The following CCNH variants were observed in gnomAD, a reference collection of about 807,000 sequenced individuals.
CCNH encodes cyclin-H.
Under a neutral mutation model 41.9 loss-of-function variants are expected in CCNH, and 31 were observed. That is an observed-to-expected ratio of 0.74 (90% CI 0.56 to 1.00). The LOEUF is 1.00. CCNH is among the 50% of genes least tolerant of loss of function. The probability of loss-of-function intolerance (pLI) is 0.00; values close to 1 mark genes in which losing one functional copy is unlikely to be tolerated. For missense variants in CCNH, 362 were observed against 388.4 expected (o/e 0.93, Z 0.57); for synonymous variants, 138 against 136.1 (o/e 1.01, Z -0.10).
At chr5:87,385,242 G>C (rs1374162884) in intron 9 of CCNH, 1 of 1,054,708 alleles carries the variant, frequency 9.5e-7, no homozygotes, top group African/African-American at 1.6e-5. Context: ...AATTTATAAT[G>C]GTTTAGCTGG....
the CCNH span, among the ~76,000 whole-genome samples, chr5:87,312,757 TTTC>T: frequency 6.6e-6 from 1 of 152,226 alleles, no homozygotes; most frequent in Non-Finnish European, 1.5e-5. Context: ...AGCTTCATTC[TTTC>T]TTCTTATACA....
chr5:87,406,439 C>T (rs1763796224), intron 4 of CCNH, among the ~76,000 whole-genome samples: 1 of 152,168 alleles, frequency 6.6e-6, no homozygotes, highest in South Asian at 2.1e-4. Flanking sequence ...TCTCTATATG[C>T]AATCAATCCT....
chr5:87,369,668 A>T, intron 9 of CCNH: 1 of 583,848 alleles, frequency 1.7e-6, no homozygotes, highest in Admixed American at 3.1e-5. Context: ...ACTTTTTTTT[A>T]GTAATGATCT....
chr5:87,321,706 C>G (rs1287902699), intron 9 of CCNH, among the ~76,000 whole-genome samples: 3 of 152,256 alleles, frequency 2.0e-5, no homozygotes, highest in Non-Finnish European at 4.4e-5. Context: ...GCCACTCTCC[C>G]AGCAAGTGGA....
intron 9 of CCNH, among the ~76,000 whole-genome samples, chr5:87,350,902 A>AT (rs1052035593): frequency 1.3e-5 from 2 of 151,680 alleles, no homozygotes; most frequent in Admixed American, 1.3e-4. Flanking sequence ...AAAATGAAGG[A>AT]TTTTGTAATT....
At chr5:87,409,629 C>T (rs1166310398) in intron 2 of CCNH, among the ~76,000 whole-genome samples, 3 of 146,084 alleles carry the variant, frequency 2.1e-5, no homozygotes, top group African/African-American at 7.6e-5. Context: ...TTTAAAAATA[C>T]GTGTGTGTGT....
chr5:87,411,115 A>C (rs1764200668), intron 2 of CCNH, 109 bp downstream of exon 2: 11 of 1,150,320 alleles, frequency 9.6e-6, no homozygotes, highest in Non-Finnish European at 1.2e-5. Flanking sequence ...AAACTAATTA[A>C]TTGTAACTAA....
intron 1 of CCNH, among the ~76,000 whole-genome samples, chr5:87,411,661 G>C (rs1022871942): frequency 6.6e-5 from 10 of 151,744 alleles, no homozygotes; most frequent in African/African-American, 2.4e-4. Context: ...AAATTAAAAA[G>C]TAGACAGACT....
Position 87,411,338 on chromosome 5 carries a change from C to A in CCNH, c.126G>T (p.Pro42=), listed in dbSNP as rs199623645. ...GAGGCTCAAGAAAGACTGGATCATT[C>A]GGAAGAACCTTTAGATCAACAATTA... ...CKAVANGKVL[P]NDPVFLEPHE... The change falls in exon 2 of 9, where the codon CCG becomes CCT. Residue 42 remains proline, a synonymous_variant. Transcript: ENST00000256897. The A allele has an allele frequency of 1.0e-4, 164 of 1,605,410 alleles. No homozygotes were observed. In the Admixed American group the frequency reaches 1.5e-3, roughly 15 times the overall value.
At chr5:87,346,132 T>C (rs1209664440) in intron 9 of CCNH, among the ~76,000 whole-genome samples, 1 of 152,100 alleles carries the variant, frequency 6.6e-6, no homozygotes, top group Non-Finnish European at 1.5e-5. Flanking sequence ...TTAGCTCAAA[T>C]AGAGTTGAGA....
chr5:87,376,122 A>G (rs1452582168), downstream of CCNH: 1 of 482,724 alleles, frequency 2.1e-6, no homozygotes. Context: ...CTGAAACATA[A>G]TTGATTTCTT....
downstream of CCNH, chr5:87,394,148 C>CT: frequency 1.4e-6 from 1 of 703,196 alleles, no homozygotes; most frequent in Non-Finnish European, 1.8e-6. Flanking sequence ...TTTGTGGTGC[C>CT]TTTTTTAAAA....
chr5:87,408,165 G>T lies in CCNH; in HGVS notation c.336C>A (p.Ala112=). ...ATACATTGAATTCATCTACTTTGCA[G>T]GCCAAAAATGCACAAGTGAGCCTAG... The part of the protein sequence containing the change: ...RIIMLTCAFL[A]CKVDEFNVSS... The change falls in exon 4 of 9, where the codon GCC becomes GCA. Residue 112 remains alanine, a synonymous_variant. Transcript: ENST00000256897. The T allele has an allele frequency of 6.2e-7, 1 of 1,600,626 alleles. No individual in the cohort carries two copies. The highest frequency in any genetic ancestry group is 8.5e-7 in the Non-Finnish European group (1 of 1,172,166).
chr5:87,361,628 CTGATA>C (rs1760097161), intron 9 of CCNH, among the ~76,000 whole-genome samples: 1 of 152,050 alleles, frequency 6.6e-6, no homozygotes, highest in South Asian at 2.1e-4. Context: ...TAAAGGCATC[CTGATA>C]TAATTCTTTT....
At chr5:87,327,323 A>G (rs1245337387) in intron 9 of CCNH, among the ~76,000 whole-genome samples, 1 of 152,204 alleles carries the variant, frequency 6.6e-6, no homozygotes, top group South Asian at 2.1e-4. Flanking sequence ...CCGTTCTACT[A>G]TAAAGCCTAT....
In CCNH at chr5:87,412,677, C is replaced by A. The variant is rs1346798277; in HGVS notation, c.117+1G>T. The A allele has an allele frequency of 6.2e-7, 1 of 1,613,952 alleles. No homozygotes were observed. Among genetic ancestry groups the A allele is most frequent in the Non-Finnish European group, 8.5e-7 (1 of 1,179,882 alleles). On this transcript the variant is annotated splice_donor_variant, in intron 1 of 8. Coordinates refer to ENST00000256897, the MANE Select transcript of CCNH (RefSeq NM_001239.4). LOFTEE classifies it high-confidence loss of function. The stretch of plus-strand genomic sequence containing the variant: ...CTGGGCAACCGTTGGGAAAACCTCA[C>A]CTTCCCGTTGGCCACGGCTTTGCAT...
At chr5:87,317,928 G>A (rs995548809), downstream of CCNH, among the ~76,000 whole-genome samples, 7 of 151,914 alleles carry the variant, frequency 4.6e-5, no homozygotes, top group East Asian at 1.9e-4. Flanking sequence ...GAGCCACCGC[G>A]CCCAGCCGTT....
intron 9 of CCNH, among the ~76,000 whole-genome samples, chr5:87,334,722 AGT>A (rs1757841517): frequency 6.6e-6 from 1 of 152,176 alleles, no homozygotes; most frequent in African/African-American, 2.4e-5. Context: ...TTCATTGAAG[AGT>A]GTTGTTGATG....
chr5:87,371,605 T>A (rs1273174295), downstream of CCNH, among the ~76,000 whole-genome samples: 1 of 152,090 alleles, frequency 6.6e-6, no homozygotes, highest in Non-Finnish European at 1.5e-5. Flanking sequence ...ATAACCCAAA[T>A]CCCCTTATAC....
Sources: gnomAD v4.1 joint callset for allele counts (sites outside exome capture counted in the v4.1 genomes callset) on GRCh38, gnomAD v4.1.1 for gene constraint, MANE v1.5 for transcripts, NCBI Gene and HGNC (gene_info 2026-07-23, HGNC 2026-07-21) for gene names.